Variants in TMEM161B observed in about 807,000 individuals in gnomAD.
TMEM161B encodes transmembrane protein 161B.
A neutral mutation model predicts 61.8 loss-of-function variants in TMEM161B; 34 were observed. The ratio of observed to expected loss-of-function variants is 0.55; its 90% CI spans 0.42 to 0.73. The LOEUF (loss-of-function observed/expected upper bound fraction) is 0.73. TMEM161B is among the 30% of genes least tolerant of loss of function. The pLI, the probability that TMEM161B is intolerant of heterozygous loss-of-function variation, is 0.00. For missense variants in TMEM161B, 456 were observed against 558.5 expected (o/e 0.82, Z 1.85); for synonymous variants, 167 against 192.8 (o/e 0.87, Z 1.11).
chr5:88,230,913 G>A (rs1460566329), intron 2 of TMEM161B, among the ~76,000 whole-genome samples: 2 of 152,134 alleles, frequency 1.3e-5, no homozygotes, highest in Non-Finnish European at 2.9e-5. Flanking sequence ...CATGATTAGA[G>A]GGTCAGGACT....
rs191435638 is a variant in TMEM161B, at chr5:88,250,462, G to A, written c.4-9546C>T. ...AGAACACAGACAAAGACAGACAAGAGGCCTCTCAGAACCAGAATCCTGACC... is the reference window on the plus strand; with the variant it reads ...AGAACACAGACAAAGACAGACAAGAAGCCTCTCAGAACCAGAATCCTGACC... On this transcript the variant is annotated intron_variant, in intron 1 of 11. Coordinates refer to ENST00000296595, the MANE Select transcript of TMEM161B (RefSeq NM_153354.5). Among the ~76,000 whole-genome samples, 16 of 152,186 alleles carry A rather than the reference G, an allele frequency of 1.1e-4. No individual in the cohort carries two copies. The East Asian group carries it at 2.9e-3, about 28-fold the overall frequency.
intron 6 of TMEM161B, 65 bp downstream of exon 6, chr5:88,206,964 T>G: frequency 7.0e-7 from 1 of 1,425,052 alleles, no homozygotes; most frequent in Non-Finnish European, 9.7e-7. Flanking sequence ...ACTTAAATAC[T>G]GAAGTCAAAA....
At chr5:88,261,300 C>G (rs192037068) in intron 1 of TMEM161B, among the ~76,000 whole-genome samples, 2 of 151,954 alleles carry the variant, frequency 1.3e-5, no homozygotes, top group Non-Finnish European at 2.9e-5. Context: ...ATTCCATGTT[C>G]ATGAAAAGGA....
At chr5:88,188,502 T>G (rs1748501011), downstream of TMEM161B, among the ~76,000 whole-genome samples, 1 of 152,180 alleles carries the variant, frequency 6.6e-6, no homozygotes, top group African/African-American at 2.4e-5. Flanking sequence ...CTTAATCTAT[T>G]TTTTATTTGA....
intron 1 of TMEM161B, among the ~76,000 whole-genome samples, chr5:88,256,157 C>T (rs955552582): frequency 1.3e-5 from 2 of 152,014 alleles, no homozygotes; most frequent in Admixed American, 1.3e-4. Flanking sequence ...TATTGGTGTT[C>T]AAATTAACAG....
rs189293846 is a variant in TMEM161B, at chr5:88,235,491, G to C, written c.107+5322C>G. Among the ~76,000 whole-genome samples the C allele has an allele frequency of 4.5e-4, 68 of 152,220 alleles. 1 individual carries two copies. The highest frequency in any genetic ancestry group is 1.5e-3 in the African/African-American group (62 of 41,552). ...CAGGAGTTTCTAGTTCGTGAGAGTG[G>C]AGCCCTCATTAATAGGATTATTGCC... On this transcript the variant is annotated intron_variant, in intron 2 of 11. Coordinates refer to ENST00000296595, the MANE Select transcript of TMEM161B (RefSeq NM_153354.5).
intron 5 of TMEM161B, among the ~76,000 whole-genome samples, chr5:88,212,288 T>C (rs1050170367): frequency 1.3e-5 from 2 of 152,130 alleles, no homozygotes; most frequent in African/African-American, 2.4e-5. Context: ...CCCACATTCA[T>C]GCTTTAGCAG....
chr5:88,202,874 AT>A, intron 9 of TMEM161B, 87 bp downstream of exon 9: 2 of 903,074 alleles, frequency 2.2e-6, no homozygotes, highest in African/African-American at 3.3e-5. Flanking sequence ...CAGTGTCCTG[AT>A]TTTATCACTG....
intron 3 of TMEM161B, among the ~76,000 whole-genome samples, chr5:88,228,174 A>G (rs961725684): frequency 7.9e-5 from 12 of 152,180 alleles, no homozygotes; most frequent in Non-Finnish European, 2.9e-5. Flanking sequence ...TATGGGTTAT[A>G]AGTCTCTCCC....
At chr5:88,239,540 T>G (rs1752400183) in intron 2 of TMEM161B, among the ~76,000 whole-genome samples, 1 of 151,982 alleles carries the variant, frequency 6.6e-6, no homozygotes, top group African/African-American at 2.4e-5. Context: ...AGTTAAAGAT[T>G]ATTTTCACTT....
At chr5:88,203,728 A>T (rs911384049) in intron 8 of TMEM161B, among the ~76,000 whole-genome samples, 1 of 121,092 alleles carries the variant, frequency 8.3e-6, no homozygotes, top group Non-Finnish European at 1.8e-5. Context: ...GAGTATGAAC[A>T]CACTTGAAAT....
intron 1 of TMEM161B, among the ~76,000 whole-genome samples, chr5:88,254,138 T>G (rs538371060): frequency 1.5e-3 from 223 of 152,116 alleles, no homozygotes; most frequent in Middle Eastern, 3.4e-3. Context: ...ATCAAAAACA[T>G]AAAAAAGTTT....
intron 9 of TMEM161B, chr5:88,202,329 G>C (rs1391652809): frequency 7.8e-6 from 2 of 255,304 alleles, no homozygotes; most frequent in Admixed American, 9.2e-5. Flanking sequence ...CTAAAATACA[G>C]TTGCCTAACT....
At chr5:88,242,417 C>G (rs1227474440) in intron 1 of TMEM161B, among the ~76,000 whole-genome samples, 1 of 151,700 alleles carries the variant, frequency 6.6e-6, no homozygotes, top group African/African-American at 2.4e-5. Flanking sequence ...CTTCCTCTAG[C>G]CAAGTACTCC....
At chr5:88,262,045 C>T (rs536204117) in intron 1 of TMEM161B, among the ~76,000 whole-genome samples, 22 of 152,118 alleles carry the variant, frequency 1.4e-4, no homozygotes, top group African/African-American at 4.6e-4. Context: ...GATTGTTATA[C>T]AAAATATAAC....
intron 2 of TMEM161B, among the ~76,000 whole-genome samples, chr5:88,230,920 G>A (rs1750881495): frequency 6.6e-6 from 1 of 152,126 alleles, no homozygotes; most frequent in Non-Finnish European, 1.5e-5. Context: ...AGAGGGTCAG[G>A]ACTTTCAGGA....
intron 5 of TMEM161B, among the ~76,000 whole-genome samples, chr5:88,209,925 A>ACATT (rs1746371202): frequency 6.6e-6 from 1 of 152,212 alleles, no homozygotes; most frequent in Non-Finnish European, 1.5e-5. Flanking sequence ...ATGATACTTA[A>ACATT]CATTACCTTC....
chr5:88,231,160 T>C (rs1311807730), intron 2 of TMEM161B, among the ~76,000 whole-genome samples: 3 of 152,206 alleles, frequency 2.0e-5, no homozygotes, highest in African/African-American at 7.2e-5. Context: ...ACTTACCCTA[T>C]GCGCTTTCTT....
chr5:88,235,529 G>A (rs1451612028), intron 2 of TMEM161B, among the ~76,000 whole-genome samples: 5 of 152,108 alleles, frequency 3.3e-5, no homozygotes, highest in Admixed American at 1.3e-4. Context: ...TTTAAAAGGA[G>A]GTCAGAGAAC....
Sources: gnomAD v4.1 joint callset for allele counts (sites outside exome capture counted in the v4.1 genomes callset) on GRCh38, gnomAD v4.1.1 for gene constraint, MANE v1.5 for transcripts, NCBI Gene and HGNC (gene_info 2026-07-23, HGNC 2026-07-21) for gene names.